The following TTC3 variants were observed in gnomAD, a reference collection of about 807,000 sequenced individuals.
TTC3 encodes E3 ubiquitin-protein ligase TTC3.
A neutral mutation model predicts 249.6 loss-of-function variants in TTC3; 180 were observed. The ratio of observed to expected loss-of-function variants is 0.72; its 90% CI spans 0.64 to 0.82. The LOEUF is 0.82. Ranked by LOEUF, TTC3 falls within the 40% of genes least tolerant of loss-of-function variation. The probability of loss-of-function intolerance (pLI) is 0.00; values close to 1 mark genes in which losing one functional copy is unlikely to be tolerated. For synonymous variants in TTC3, 717 were observed against 805.0 expected (o/e 0.89, Z 1.85); for missense variants, 2,061 against 2,398.4 (o/e 0.86, Z 2.94).
chr21:37,200,538 G>GAGCTCCCAGCA (rs2085390200), intron 45 of TTC3, among the ~76,000 whole-genome samples: 1 of 152,178 alleles, frequency 6.6e-6, no homozygotes, highest in South Asian at 2.1e-4. Flanking sequence ...ATCCCTTGTG[G>GAGCTCCCAGCA]GGAGAGGGGA....
chr21:37,088,597 A>G (rs913925352), intron 4 of TTC3, among the ~76,000 whole-genome samples: 2 of 152,238 alleles, frequency 1.3e-5, no homozygotes, highest in African/African-American at 2.4e-5. Context: ...ATGGGTGTTT[A>G]TAAGTATCAG....
chr21:37,096,795 A>G (rs755916115), intron 10 of TTC3, 152 bp downstream of exon 10: 24 of 567,972 alleles, frequency 4.2e-5, no homozygotes, highest in Non-Finnish European at 7.1e-5. Flanking sequence ...TAGGCTTTAT[A>G]TATAATAACA....
chr21:37,148,784 C>A, intron 23 of TTC3, 137 bp downstream of exon 23: 1 of 610,226 alleles, frequency 1.6e-6, no homozygotes, highest in Non-Finnish European at 2.7e-6. Context: ...AGTGGAAAAT[C>A]AAATTTGTTT....
intron 11 of TTC3, among the ~76,000 whole-genome samples, chr21:37,119,674 C>A (rs906809834): frequency 6.6e-6 from 1 of 152,186 alleles, no homozygotes; most frequent in Non-Finnish European, 1.5e-5. Context: ...TAAGCGGGAT[C>A]AATCACAGGG....
chr21:37,135,549 C>G, intron 18 of TTC3, 35 bp downstream of exon 18: 1 of 1,600,212 alleles, frequency 6.2e-7, no homozygotes, highest in Non-Finnish European at 8.5e-7. Flanking sequence ...TTTATCAATG[C>G]TAATGCACCT....
At chr21:37,074,312 C>T (rs565493763) in intron 1 of TTC3, among the ~76,000 whole-genome samples, 1 of 152,184 alleles carries the variant, frequency 6.6e-6, no homozygotes, top group African/African-American at 2.4e-5. Flanking sequence ...TTCAGCCAGC[C>T]TGTTCAGGAG....
At chr21:37,153,422 C>A in intron 27 of TTC3, 145 bp downstream of exon 27, 1 of 813,870 alleles carries the variant, frequency 1.2e-6, no homozygotes, top group Non-Finnish European at 1.8e-6. Context: ...CTTTTCCAGT[C>A]CCAGCTACTT....
intron 1 of TTC3, among the ~76,000 whole-genome samples, chr21:37,074,660 T>C (rs562313079): frequency 6.6e-6 from 1 of 151,906 alleles, no homozygotes; most frequent in East Asian, 1.9e-4. Context: ...AGGACATTTT[T>C]TGTTGCAAGA....
At chr21:37,136,907 C>A (rs2077993253) in intron 18 of TTC3, among the ~76,000 whole-genome samples, 1 of 152,154 alleles carries the variant, frequency 6.6e-6, no homozygotes, top group Admixed American at 6.5e-5. Flanking sequence ...GAAGCCAGTG[C>A]TCATTTATGT....
exon 10 of TTC3, chr21:37,096,582 C>T (rs757471158): frequency 4.4e-6 from 7 of 1,608,658 alleles, no homozygotes; most frequent in African/African-American, 1.3e-5. Context: ...CTTTTTAAGA[C>T]CTGAAAACTA....
chr21:37,182,996 A>G (rs764946740), intron 36 of TTC3, 83 bp downstream of exon 36: 19 of 1,171,088 alleles, frequency 1.6e-5, no homozygotes, highest in Non-Finnish European at 2.1e-5. Flanking sequence ...TTGATATTTA[A>G]TATTAAACTA....
At chr21:37,167,726 G>A (rs1188379641) in intron 34 of TTC3, 106 bp downstream of exon 34, 1 of 760,844 alleles carries the variant, frequency 1.3e-6, no homozygotes, top group East Asian at 3.2e-5. Context: ...TCCACACAAA[G>A]TTATCATGGA....
chr21:37,179,550 C>G (rs2082566554), intron 35 of TTC3, among the ~76,000 whole-genome samples: 1 of 152,216 alleles, frequency 6.6e-6, no homozygotes, highest in Admixed American at 6.5e-5. Context: ...TTCAAGCGCA[C>G]TGCTTACCCA....
intron 21 of TTC3, 35 bp from the exon 22 acceptor site, chr21:37,147,446 T>A: frequency 6.4e-7 from 1 of 1,570,440 alleles, no homozygotes; most frequent in South Asian, 1.2e-5. Context: ...CAGATTAGTA[T>A]TGTAATGGTA....
chr21:37,079,723 G>A (rs1345367918), intron 1 of TTC3, among the ~76,000 whole-genome samples: 1 of 151,514 alleles, frequency 6.6e-6, no homozygotes, highest in Non-Finnish European at 1.5e-5. Context: ...TAGTAGAGAC[G>A]GAGTTTCACC....
At chr21:37,133,687 A>T (rs1477504637) in intron 17 of TTC3, among the ~76,000 whole-genome samples, 1 of 152,156 alleles carries the variant, frequency 6.6e-6, no homozygotes, top group African/African-American at 2.4e-5. Context: ...AGGACAGATC[A>T]TTTATGTCGT....
At chr21:37,179,522 GC>G (rs1237200599) in intron 35 of TTC3, among the ~76,000 whole-genome samples, 1 of 152,134 alleles carries the variant, frequency 6.6e-6, no homozygotes, top group Non-Finnish European at 1.5e-5. Context: ...TGGTGTCATA[GC>G]TAAGAAACCC....
At chr21:37,165,120 GTA>G (rs1483448005) in intron 32 of TTC3, among the ~76,000 whole-genome samples, 1 of 152,144 alleles carries the variant, frequency 6.6e-6, no homozygotes. Flanking sequence ...TAAAGCTAAA[GTA>G]TGTAGTTTTC....
At chr21:37,136,792 A>G (rs912085419) in intron 18 of TTC3, among the ~76,000 whole-genome samples, 5 of 152,218 alleles carry the variant, frequency 3.3e-5, no homozygotes, top group Admixed American at 6.5e-5. Context: ...AGAAGATGCC[A>G]TCTAGGACTT....
Sources: gnomAD v4.1 joint callset for allele counts (sites outside exome capture counted in the v4.1 genomes callset) on GRCh38, gnomAD v4.1.1 for gene constraint, MANE v1.5 for transcripts, NCBI Gene and HGNC (gene_info 2026-07-23, HGNC 2026-07-21) for gene names.